ME1: variants seen among roughly 807,000 people sequenced by gnomAD.
ME1 encodes NADP-dependent malic enzyme.
Under a neutral mutation model 66.4 loss-of-function variants are expected in ME1, and 74 were observed. The ratio of observed to expected loss-of-function variants is 1.11; its 90% CI spans 0.92 to 1.35. The LOEUF (loss-of-function observed/expected upper bound fraction) is 1.35. ME1 is among the 40% of genes most tolerant of loss of function. ME1 has a pLI of 0.00. For synonymous variants in ME1, 251 were observed against 235.6 expected (o/e 1.07, Z -0.60); for missense variants, 750 against 694.1 (o/e 1.08, Z -0.90).
intron 3 of ME1, among the ~76,000 whole-genome samples, chr6:83,360,363 C>T (rs1768985270): frequency 6.6e-6 from 1 of 152,124 alleles, no homozygotes; most frequent in Admixed American, 6.5e-5. Context: ...ACGTTGATTC[C>T]AGGGGACCCC....
intron 6 of ME1, among the ~76,000 whole-genome samples, chr6:83,281,806 CAAAAAAAAAAAAAAA>C (rs140157932): frequency 0.02 from 264 of 13,302 alleles, 5 homozygotes; most frequent in Admixed American, 0.036. Flanking sequence ...ACTCTGTCTC[CAAAAAAAAAAAAAAA>C]AAAAAAAAAA....
Position 83,397,905 on chromosome 6 carries a change from C to T in ME1, c.362+462G>A, listed in dbSNP as rs1769767877. 1.3e-5 allele frequency among the ~76,000 whole-genome samples: 2 copies of T among 152,122 alleles called. 1 individual carries two copies. Among genetic ancestry groups the T allele is most frequent in the South Asian group, 4.1e-4 (2 of 4,828 alleles). On this transcript the variant is annotated intron_variant, in intron 3 of 13. Transcript: ENST00000369705. ...GAAAGACAAATACCACATGATCTTA[C>T]ATGTGGAACCTAAAAATAGTCAAAC...
chr6:83,369,553 G>T (rs976091357), intron 3 of ME1, among the ~76,000 whole-genome samples: 1 of 151,922 alleles, frequency 6.6e-6, no homozygotes, highest in Non-Finnish European at 1.5e-5. Flanking sequence ...AAGACCCAGA[G>T]AGGTTGAGAT....
chr6:83,252,774 C>A (rs186880052), intron 7 of ME1, among the ~76,000 whole-genome samples: 119 of 152,180 alleles, frequency 7.8e-4, no homozygotes, highest in African/African-American at 2.8e-3. Context: ...CATTTAATAG[C>A]TAGACAGGAA....
intron 5 of ME1, among the ~76,000 whole-genome samples, chr6:83,324,997 A>T (rs1161552786): frequency 7.5e-6 from 1 of 132,944 alleles, no homozygotes; most frequent in Non-Finnish European, 1.6e-5. Flanking sequence ...ATCCAGCAGC[A>T]CATCAAAACT....
chr6:83,269,785 G>A (rs754360683), intron 6 of ME1, among the ~76,000 whole-genome samples: 27 of 152,050 alleles, frequency 1.8e-4, no homozygotes, highest in Admixed American at 3.3e-4. Flanking sequence ...TGACCCAAAC[G>A]GATTTATTAC....
chr6:83,248,941 A>T (rs1790671896), intron 7 of ME1, among the ~76,000 whole-genome samples: 1 of 152,202 alleles, frequency 6.6e-6, no homozygotes, highest in Non-Finnish European at 1.5e-5. Context: ...AAATTTCCAG[A>T]TTATTCCATT....
chr6:83,430,170 G>A (rs1770457880), intron 1 of ME1, among the ~76,000 whole-genome samples: 1 of 151,248 alleles, frequency 6.6e-6, no homozygotes, highest in South Asian at 2.1e-4. Flanking sequence ...TTAACTTCCA[G>A]AAAGCCAAAT....
chr6:83,343,499 G>C (rs561615126), intron 5 of ME1, among the ~76,000 whole-genome samples: 133 of 152,302 alleles, frequency 8.7e-4, no homozygotes, highest in African/African-American at 3.1e-3. Context: ...TCGAATGGCA[G>C]TAAGCAAAAT....
chr6:83,368,247 T>A (rs1043718626), intron 3 of ME1, among the ~76,000 whole-genome samples: 5 of 151,860 alleles, frequency 3.3e-5, no homozygotes, highest in Admixed American at 3.3e-4. Flanking sequence ...AACAAAATTA[T>A]TTGAAATATT....
intron 6 of ME1, among the ~76,000 whole-genome samples, chr6:83,255,450 T>C (rs1235889730): frequency 6.6e-6 from 1 of 152,074 alleles, no homozygotes; most frequent in Non-Finnish European, 1.5e-5. Context: ...CTTTTATTTA[T>C]GGTTTCTCCT....
chr6:83,237,191 C>T (rs1424975811), intron 9 of ME1, among the ~76,000 whole-genome samples: 2 of 133,900 alleles, frequency 1.5e-5, no homozygotes, highest in African/African-American at 2.8e-5. Flanking sequence ...TGAGACCCTA[C>T]CTCAAAAACA....
At chr6:83,417,967 C>G (rs985767646) in intron 1 of ME1, among the ~76,000 whole-genome samples, 1 of 152,146 alleles carries the variant, frequency 6.6e-6, no homozygotes, top group Admixed American at 6.5e-5. Flanking sequence ...CATCAACTTT[C>G]CAACTTTTGT....
chr6:83,275,682 G>A (rs1179436626), intron 6 of ME1, among the ~76,000 whole-genome samples: 1 of 147,840 alleles, frequency 6.8e-6, no homozygotes, highest in Non-Finnish European at 1.5e-5. Context: ...AGCCAGGATG[G>A]TCTCGATCTC....
intron 6 of ME1, among the ~76,000 whole-genome samples, chr6:83,278,740 T>G (rs1391584455): frequency 6.6e-6 from 1 of 152,106 alleles, no homozygotes; most frequent in Non-Finnish European, 1.5e-5. Flanking sequence ...ATTACAGGCA[T>G]GAGCCACTAT....
chr6:83,223,624 T>C (rs1790132707), intron 12 of ME1, 136 bp downstream of exon 12: 1 of 742,172 alleles, frequency 1.3e-6, no homozygotes, highest in Non-Finnish European at 2.1e-6. Context: ...CCCCTTATAC[T>C]CCACTGGGAA....
At chr6:83,275,862 T>C (rs1767171791) in intron 6 of ME1, among the ~76,000 whole-genome samples, 1 of 124,466 alleles carries the variant, frequency 8.0e-6, no homozygotes, top group African/African-American at 3.1e-5. Flanking sequence ...AACCTCCGCC[T>C]CCCGGGTTCA....
intron 6 of ME1, among the ~76,000 whole-genome samples, chr6:83,271,459 G>C (rs1196736739): frequency 6.6e-6 from 1 of 152,156 alleles, no homozygotes; most frequent in Non-Finnish European, 1.5e-5. Flanking sequence ...ATAAGCATAT[G>C]TGGAATAAAG....
At position 83,369,671 on chromosome 6, in the gene ME1, CGAAGGAAGGAAGGAAGGAAG is replaced by C. The variant is rs796598711; in HGVS notation, c.363-17552_363-17533del. On this transcript the variant is annotated intron_variant, in intron 3 of 13. Transcript: ENST00000369705. ...ACAGAGAGAGGAAGGAAGGAAGGAA[CGAAGGAAGGAAGGAAGGAAG>C]GAAGGAAGGAAGGAAGGAAGGAAGG... Among the ~76,000 whole-genome samples, 412 of 72,340 alleles carry C rather than the reference CGAAGGAAGGAAGGAAGGAAG, an allele frequency of 5.7e-3. 3 individuals carry two copies. The highest frequency in any genetic ancestry group is 0.054 in the Middle Eastern group (6 of 112). The allele number at this position is 72,340 out of a possible 152,430, so 47.5% of individuals were successfully genotyped here.
Sources: allele counts gnomAD v4.1 joint callset (sites outside exome capture counted in the v4.1 genomes callset), GRCh38; gene constraint gnomAD v4.1.1; transcripts MANE v1.5; gene names NCBI Gene and HGNC (gene_info 2026-07-23, HGNC 2026-07-21).